The following SBNO2 variants were observed in gnomAD, a reference collection of about 807,000 sequenced individuals.
The protein encoded by SBNO2 is protein strawberry notch homolog 2.
In SBNO2, 89 loss-of-function variants were observed where a neutral mutation model predicts 146.3. That is an observed-to-expected ratio of 0.61 (90% CI 0.51 to 0.73). The LOEUF is 0.73. Among genes scored for constraint, SBNO2 ranks in the 30% least tolerant of loss-of-function variants. SBNO2 has a pLI of 0.00. For missense variants in SBNO2, 2,092 were observed against 2,003.7 expected (o/e 1.04, Z -0.84); for synonymous variants, 1,147 against 892.6 (o/e 1.29, Z -5.08).
rs966323656 is a variant in SBNO2, at chr19:1,107,866, A to C, written c.*354T>G. 1.8e-5 allele frequency: 3 copies of C among 163,532 alleles called. No individual in the cohort carries two copies. Among genetic ancestry groups the C allele is most frequent in the Non-Finnish European group, 4.0e-5 (3 of 75,400 alleles). The allele number at this position is 163,532 out of a possible 1,614,324, so 10.1% of individuals were successfully genotyped here. A position where few individuals can be genotyped will look rare whatever the true frequency, so the allele number is the denominator to read the frequency against. On this transcript the variant is annotated 3_prime_UTR_variant, in exon 32 of 32. Coordinates refer to ENST00000361757, the MANE Select transcript of SBNO2 (RefSeq NM_014963.3). ...GCCCCCGAGACGCGGGGCCCTGAGC[A>C]CCTGGGGTTTCCTGAGTTTCTAGCT... is the stretch of plus-strand genomic sequence containing the variant.
rs756555457 is a variant in SBNO2 at position 1,158,348 on chromosome 19, C to T, written c.-126-3946G>A. On this transcript the variant is annotated intron_variant, in intron 1 of 31. Coordinates refer to ENST00000361757, the MANE Select transcript of SBNO2 (RefSeq NM_014963.3). The surrounding 1 kb of genome is among the most constrained non-coding windows in gnomAD (Gnocchi z 9.9). ...AGCAGGGTTGTGACCCCCGCACTTTCGGATGTGGACACGGAGGCCCCTAGG... is the reference window on the plus strand; with the variant it reads ...AGCAGGGTTGTGACCCCCGCACTTTTGGATGTGGACACGGAGGCCCCTAGG... 2.6e-5 allele frequency among the ~76,000 whole-genome samples: 4 copies of T among 152,160 alleles called. No individual in the cohort carries two copies. Among genetic ancestry groups the T allele is most frequent in the Admixed American group, 6.5e-5 (1 of 15,276 alleles).
intron 10 of SBNO2, 56 bp downstream of exon 10, chr19:1,122,412 A>G (rs1247558290): frequency 1.3e-6 from 2 of 1,529,694 alleles, no homozygotes; most frequent in South Asian, 1.2e-5. Context: ...AGCAGCCCCC[A>G]CTTTGCAGGG....
chr19:1,147,431 ATGGGG>A lies in SBNO2; in HGVS notation c.168-16_168-12del. 109 of 590,930 alleles carry A rather than the reference ATGGGG, an allele frequency of 1.8e-4. 1 individual carries two copies. The highest frequency in any genetic ancestry group is 5.0e-4 in the Middle Eastern group (1 of 2,010). 36.6% of individuals were successfully genotyped at this position (590,930 alleles called of 1,614,324 possible). A position where few individuals can be genotyped will look rare whatever the true frequency, so the allele number is the denominator to read the frequency against. On this transcript the variant is annotated splice_polypyrimidine_tract_variant and intron_variant, in intron 3 of 31. Transcript: ENST00000361757. ...GAGCTCATGAACGGGCTGGAGGGAG[ATGGGG>A]GGGGGGGAGGTGAGATGGGGTGCTC...
At position 1,116,833 on chromosome 19, in the gene SBNO2, C is replaced by T. The variant is rs781666289; in HGVS notation, c.1798G>A (p.Ala600Thr). The change falls in exon 16 of 32, where the codon GCT (alanine) becomes ACT (threonine). Residue 600 changes from alanine (A) to threonine (T), a missense_variant. Coordinates refer to ENST00000361757, the MANE Select transcript of SBNO2 (RefSeq NM_014963.3). ...TGTCCCCACCGTGACACTTACTCAG[C>T]GGCCGAGACGAAGCAGTTGAGGTGC... is the stretch of plus-strand genomic sequence containing the variant. ...DGHLNCFVSA[A>T]EGVFLSLIQK... 6.9e-6 allele frequency: 11 copies of T among 1,586,548 alleles called. No homozygotes were observed. The highest frequency in any genetic ancestry group is 8.6e-6 in the Non-Finnish European group (10 of 1,167,762).
Position 1,112,298 on chromosome 19 carries a change from C to A in SBNO2, c.2519G>T (p.Arg840Leu). 6.3e-7 allele frequency: 1 copy of A among 1,582,180 alleles called. No individual in the cohort carries two copies. Among genetic ancestry groups the A allele is most frequent in the Non-Finnish European group, 8.6e-7 (1 of 1,165,354 alleles). The change falls in exon 22 of 32, where the codon CGC (arginine) becomes CTC (leucine). Residue 840 changes from arginine (R) to leucine (L), a missense_variant. Arg to Leu is a moderately radical substitution (Grantham distance 102). Coordinates refer to ENST00000361757, the MANE Select transcript of SBNO2 (RefSeq NM_014963.3). This position sits in a 1 kb window ranked among gnomAD's most constrained non-coding sequence, Gnocchi z 5.9. ...GGAGACCTGGTTGGACCGGTGGGTG[C>A]GGCCTGGGGGCAGAGCTGCTCTCAG... ...SADRAIQQFG[R>L]THRSNQVSAP... is the part of the protein sequence containing the mutation.
chr19:1,122,581 G>C, intron 9 of SBNO2, 23 bp from the exon 10 acceptor site: 2 of 1,522,338 alleles, frequency 1.3e-6, no homozygotes, highest in African/African-American at 2.8e-5. Context: ...GGCGTCAGGC[G>C]CGCCCACCCT....
At chr19:1,146,176 T>C (rs927956502) in intron 4 of SBNO2, among the ~76,000 whole-genome samples, 1 of 152,166 alleles carries the variant, frequency 6.6e-6, no homozygotes. Flanking sequence ...CCCTACCCAA[T>C]GACATCCAAA....
chr19:1,149,544 C>T (rs911342128), intron 2 of SBNO2, 102 bp from the exon 3 acceptor site: 21 of 1,100,404 alleles, frequency 1.9e-5, no homozygotes, highest in Non-Finnish European at 2.7e-5. Context: ...GCTAGGGAGG[C>T]CCCGCAGTCA....
At chr19:1,153,813 C>T (rs1265701052) in intron 2 of SBNO2, among the ~76,000 whole-genome samples, 1 of 152,344 alleles carries the variant, frequency 6.6e-6, no homozygotes, top group African/African-American at 2.4e-5. Flanking sequence ...GCTGGGATTA[C>T]AAGCACGAGC....
At chr19:1,138,175 C>T (rs1272903897) in intron 4 of SBNO2, among the ~76,000 whole-genome samples, 1 of 15,966 alleles carries the variant, frequency 6.3e-5, no homozygotes, top group Non-Finnish European at 1.2e-4. Context: ...GGGGGAGGCT[C>T]GGGCTGGGGT....
chr19:1,123,694 C>G (rs942595019), intron 6 of SBNO2, 55 bp from the exon 7 acceptor site: 3 of 1,516,966 alleles, frequency 2.0e-6, no homozygotes, highest in Admixed American at 3.8e-5. Flanking sequence ...GCCGCGGGCA[C>G]TGGGCTCCCC....
At chr19:1,146,562 G>T (rs1329433310) in intron 4 of SBNO2, among the ~76,000 whole-genome samples, 1 of 151,948 alleles carries the variant, frequency 6.6e-6, no homozygotes, top group Non-Finnish European at 1.5e-5. Flanking sequence ...GGCAGGCCCT[G>T]GATGTGGTCC....
chr19:1,164,712 AGGAG>A (rs2080390885), intron 1 of SBNO2, among the ~76,000 whole-genome samples: 1 of 114,506 alleles, frequency 8.7e-6, no homozygotes, highest in Non-Finnish European at 1.8e-5. Context: ...GAGGAGGAGG[AGGAG>A]GAACAGGAAG....
rs1599874971 is a variant in SBNO2 at position 1,157,153 on chromosome 19, C to T, written c.-126-2751G>A. Reference sequence around the variant, plus strand: ...CCACGCCCCCAAGGGCTGGCTCCCACCCCATGGTCCTGAGCCCTCCGGACC... The same window carrying T: ...CCACGCCCCCAAGGGCTGGCTCCCATCCCATGGTCCTGAGCCCTCCGGACC... On this transcript the variant is annotated intron_variant, in intron 1 of 31. Transcript: ENST00000361757. This position sits in a 1 kb window ranked among gnomAD's most constrained non-coding sequence, Gnocchi z 6.8. Among the ~76,000 whole-genome samples the T allele has an allele frequency of 6.6e-6, 1 of 152,094 alleles. No homozygotes were observed. Among genetic ancestry groups the T allele is most frequent in the Admixed American group, 6.5e-5 (1 of 15,274 alleles).
chr19:1,130,458 C>CAATT (rs2080016050), intron 4 of SBNO2, among the ~76,000 whole-genome samples: 1 of 151,958 alleles, frequency 6.6e-6, no homozygotes, highest in South Asian at 2.1e-4. Flanking sequence ...CGCCACTGCA[C>CAATT]GCCAGCCTGG....
At chr19:1,152,404 T>C (rs540342736) in intron 2 of SBNO2, among the ~76,000 whole-genome samples, 4 of 152,310 alleles carry the variant, frequency 2.6e-5, no homozygotes, top group Middle Eastern at 3.4e-3. Flanking sequence ...AGGGTGTGTT[T>C]CCGAGATAGA....
At chr19:1,134,552 C>T (rs934996564) in intron 4 of SBNO2, among the ~76,000 whole-genome samples, 3 of 150,902 alleles carry the variant, frequency 2.0e-5, no homozygotes, top group Non-Finnish European at 3.0e-5. Flanking sequence ...CAGAAGGCCA[C>T]GCAGTGTGTG....
At position 1,112,975 on chromosome 19, in the gene SBNO2, G is replaced by A. The variant is rs749603405; in HGVS notation, c.2248-26C>T. ...CTGCAGCCGAGACAGGGACAAAACC[G>A]GCCGTCAGTGTTGTGGCCTCGCAGG... On this transcript the variant is annotated intron_variant, in intron 19 of 31. Coordinates refer to ENST00000361757, the MANE Select transcript of SBNO2 (RefSeq NM_014963.3). This position sits in a 1 kb window ranked among gnomAD's most constrained non-coding sequence, Gnocchi z 5.9. 7.1e-6 allele frequency: 11 copies of A among 1,542,442 alleles called. No individual in the cohort carries two copies. The highest frequency in any genetic ancestry group is 1.2e-5 in the South Asian group (1 of 83,992).
intron 14 of SBNO2, among the ~76,000 whole-genome samples, chr19:1,118,557 G>T (rs924383224): frequency 4.6e-5 from 7 of 151,978 alleles, no homozygotes; most frequent in Non-Finnish European, 7.4e-5. Flanking sequence ...CCCATCCCTC[G>T]TTATCACAGC....
Sources: gnomAD v4.1 joint callset for allele counts (sites outside exome capture counted in the v4.1 genomes callset) on GRCh38, gnomAD v4.1.1 for gene constraint, Gnocchi (gnomAD v3.1) non-coding constraint, MANE v1.5 for transcripts, NCBI Gene and HGNC (gene_info 2026-07-23, HGNC 2026-07-21) for gene names.